SAMD12: variants seen among roughly 807,000 people sequenced by gnomAD.
SAMD12 encodes the protein sterile alpha motif domain-containing protein 12.
Under a neutral mutation model 15.0 loss-of-function variants are expected in SAMD12, and 9 were observed. That is an observed-to-expected ratio of 0.60 (90% CI 0.36 to 1.05). The LOEUF (loss-of-function observed/expected upper bound fraction) is 1.05, where lower values mean the gene tolerates loss of function less well. SAMD12 is among the 50% of genes least tolerant of loss of function. The pLI, the probability that SAMD12 is intolerant of heterozygous loss-of-function variation, is 0.01. For synonymous variants in SAMD12, 86 were observed against 90.1 expected (o/e 0.96, Z 0.25); for missense variants, 230 against 234.2 (o/e 0.98, Z 0.12).
the SAMD12 span, among the ~76,000 whole-genome samples, chr8:118,184,204 A>G: frequency 2.6e-5 from 4 of 152,232 alleles, no homozygotes; most frequent in Non-Finnish European, 5.9e-5. Flanking sequence ...AAAGGATTTT[A>G]TTTTCACAGA....
the SAMD12 span, among the ~76,000 whole-genome samples, chr8:118,159,228 A>G: frequency 6.6e-6 from 1 of 152,064 alleles, no homozygotes; most frequent in Non-Finnish European, 1.5e-5. Flanking sequence ...GGTGTCTCCA[A>G]GCTCCTGGGT....
At chr8:118,371,236 A>G (rs566219804) in intron 4 of SAMD12, among the ~76,000 whole-genome samples, 2 of 152,276 alleles carry the variant, frequency 1.3e-5, no homozygotes, top group Admixed American at 1.3e-4. Context: ...GTAATTGGGA[A>G]CCATTCAATG....
At chr8:118,180,549 C>CCT in the SAMD12 span, among the ~76,000 whole-genome samples, 76,272 of 149,378 alleles carry the variant, frequency 0.51, 21,758 homozygotes, top group Non-Finnish European at 0.64. Context: ...TTTCTCTCTC[C>CCT]CTCTCTCTCT....
chr8:118,135,757 G>T, the SAMD12 span, among the ~76,000 whole-genome samples: 1 of 151,942 alleles, frequency 6.6e-6, no homozygotes, highest in Non-Finnish European at 1.5e-5. Context: ...TGCCCAGGCT[G>T]GTCTCCAACT....
intron 2 of SAMD12, among the ~76,000 whole-genome samples, chr8:118,479,263 C>A (rs1824052356): frequency 6.6e-6 from 1 of 152,096 alleles, no homozygotes; most frequent in Admixed American, 6.6e-5. Flanking sequence ...GGCTGTTCCC[C>A]CCACACCTGG....
chr8:118,261,806 T>G (rs1813083899), intron 4 of SAMD12, among the ~76,000 whole-genome samples: 2 of 152,052 alleles, frequency 1.3e-5, no homozygotes, highest in East Asian at 1.9e-4. Context: ...CCTGTCATTT[T>G]ATGGAGCACA....
At chr8:118,478,904 T>C (rs1209414991) in intron 2 of SAMD12, among the ~76,000 whole-genome samples, 1 of 152,228 alleles carries the variant, frequency 6.6e-6, no homozygotes, top group African/African-American at 2.4e-5. Context: ...AAATATGTCA[T>C]AATTACTCAA....
chr8:118,174,939 T>C, the SAMD12 span, among the ~76,000 whole-genome samples: 1 of 150,762 alleles, frequency 6.6e-6, no homozygotes, highest in Non-Finnish European at 1.5e-5. Context: ...TATCTCTAAA[T>C]AGTTCAGCAA....
At chr8:118,368,532 G>C (rs908570021) in intron 4 of SAMD12, among the ~76,000 whole-genome samples, 4 of 152,102 alleles carry the variant, frequency 2.6e-5, no homozygotes, top group Non-Finnish European at 5.9e-5. Flanking sequence ...GTCTTTACTT[G>C]ATGGGTCAAT....
At chr8:118,288,666 A>C (rs1814191175) in intron 4 of SAMD12, among the ~76,000 whole-genome samples, 1 of 152,214 alleles carries the variant, frequency 6.6e-6, no homozygotes, top group East Asian at 1.9e-4. Flanking sequence ...AGTTAGAAAA[A>C]ATAACTTTGA....
At chr8:118,316,833 T>G (rs111308663) in intron 4 of SAMD12, among the ~76,000 whole-genome samples, 188 of 150,162 alleles carry the variant, frequency 1.3e-3, no homozygotes, top group African/African-American at 4.4e-3. Flanking sequence ...TTTTTTTTTT[T>G]TTGTAAAGAT....
At chr8:118,293,249 A>G (rs1340640476) in intron 4 of SAMD12, among the ~76,000 whole-genome samples, 2 of 152,324 alleles carry the variant, frequency 1.3e-5, no homozygotes, top group Admixed American at 1.3e-4. Context: ...AGTTTATACA[A>G]GAGATGCTGA....
chr8:118,301,164 G>A (rs1815003835), intron 4 of SAMD12, among the ~76,000 whole-genome samples: 1 of 152,094 alleles, frequency 6.6e-6, no homozygotes, highest in Non-Finnish European at 1.5e-5. Flanking sequence ...AAACCTTAAG[G>A]AGAAAGAAAA....
the SAMD12 span, among the ~76,000 whole-genome samples, chr8:118,148,328 A>AT: frequency 9.9e-5 from 15 of 152,254 alleles, no homozygotes; most frequent in Non-Finnish European, 1.6e-4. Flanking sequence ...CCTCAACATT[A>AT]TTTTTTAAAA....
At chr8:118,357,384 T>C (rs555185235) in intron 4 of SAMD12, among the ~76,000 whole-genome samples, 40 of 152,270 alleles carry the variant, frequency 2.6e-4, no homozygotes, top group African/African-American at 9.6e-4. Flanking sequence ...ATTACAGGTA[T>C]GCACCACCAT....
At chr8:118,372,601 A>G (rs1271942842) in intron 4 of SAMD12, among the ~76,000 whole-genome samples, 2 of 152,092 alleles carry the variant, frequency 1.3e-5, no homozygotes, top group African/African-American at 4.8e-5. Context: ...TTACTTTTTT[A>G]GTGAAATAAA....
intron 3 of SAMD12, among the ~76,000 whole-genome samples, chr8:118,414,461 C>T (rs964799152): frequency 2.6e-5 from 4 of 152,106 alleles, no homozygotes; most frequent in Admixed American, 2.6e-4. Flanking sequence ...TTTCTTTATA[C>T]CCAATCTACT....
At chr8:118,168,163 C>T in the SAMD12 span, among the ~76,000 whole-genome samples, 1 of 152,192 alleles carries the variant, frequency 6.6e-6, no homozygotes, top group Non-Finnish European at 1.5e-5. Flanking sequence ...AATTAAACTT[C>T]TTTTTCTTCC....
chr8:118,178,029 G>A, the SAMD12 span, among the ~76,000 whole-genome samples: 7 of 152,310 alleles, frequency 4.6e-5, no homozygotes, highest in African/African-American at 1.7e-4. Flanking sequence ...GCCATCATAC[G>A]GTGGCCCAAC....
Sources: allele counts gnomAD v4.1 joint callset (sites outside exome capture counted in the v4.1 genomes callset), GRCh38; gene constraint gnomAD v4.1.1; transcripts MANE v1.5; gene names NCBI Gene and HGNC (gene_info 2026-07-23, HGNC 2026-07-21).